The following ANAPC5 variants were observed in gnomAD, a reference collection of about 807,000 sequenced individuals.
ANAPC5 encodes anaphase promoting complex subunit 5.
In ANAPC5, 60 loss-of-function variants were observed where a neutral mutation model predicts 91.3. The ratio of observed to expected loss-of-function variants is 0.66; its 90% CI spans 0.53 to 0.81. The LOEUF is 0.81. Ranked by LOEUF, ANAPC5 falls within the 40% of genes least tolerant of loss-of-function variation. The probability of loss-of-function intolerance (pLI) is 0.00; values close to 1 mark genes in which losing one functional copy is unlikely to be tolerated. For missense variants in ANAPC5, 690 were observed against 931.5 expected, an observed-to-expected ratio of 0.74 and a Z score of 3.37; for synonymous variants, 340 against 364.1, an observed-to-expected ratio of 0.93 and a Z score of 0.75.
At chr12:121,319,869 T>C (rs1216412359) in intron 12 of ANAPC5, 51 bp from the exon 13 acceptor site, 28 of 1,535,626 alleles carry the variant, frequency 1.8e-5, no homozygotes, top group Non-Finnish European at 2.4e-5. Context: ...ATGTTCATCT[T>C]AATGAGTATA....
chr12:121,332,629 A>C (rs1903086011), intron 7 of ANAPC5: 1 of 151,462 alleles, frequency 6.6e-6, no homozygotes, highest in Non-Finnish European at 1.5e-5. Flanking sequence ...AATAGTGCCT[A>C]GTACACAGTA....
rs11613001 is a variant in ANAPC5, at chr12:121,342,790, T to C, written c.591-721A>G. ...AGAAAAATTGTTTGATCCCGGGAGG[T>C]GGAGGTTGCAGCGAGCCAAGATCAC... On this transcript the variant is annotated intron_variant, in intron 4 of 16. Transcript: ENST00000261819. The surrounding 1 kb of genome is among the most constrained non-coding windows in gnomAD (Gnocchi z 4.1). Among the ~76,000 whole-genome samples, 7,465 of 151,970 alleles carry C rather than the reference T, an allele frequency of 0.049. 193 individuals carry two copies. The highest frequency in any genetic ancestry group is 0.082 in the South Asian group (395 of 4,802).
chr12:121,351,924 C>CAAA (rs34467784), intron 1 of ANAPC5, among the ~76,000 whole-genome samples: 11 of 140,650 alleles, frequency 7.8e-5, no homozygotes, highest in African/African-American at 2.8e-4. Context: ...CATGAACTTG[C>CAAA]AAAAAAAAAA....
intron 11 of ANAPC5, among the ~76,000 whole-genome samples, chr12:121,322,200 C>G (rs768061017): frequency 1.3e-5 from 2 of 148,830 alleles, no homozygotes; most frequent in Non-Finnish European, 3.0e-5. Flanking sequence ...ACTGTGTCAC[C>G]CAGGCTGGAG....
At chr12:121,312,723 A>AT (rs1902216126) in intron 15 of ANAPC5, among the ~76,000 whole-genome samples, 1 of 150,840 alleles carries the variant, frequency 6.6e-6, no homozygotes, top group South Asian at 2.1e-4. Flanking sequence ...AAAAAAAAAA[A>AT]AAAAAAATTA....
At chr12:121,327,461 T>C in intron 10 of ANAPC5, 1 of 527,994 alleles carries the variant, frequency 1.9e-6, no homozygotes, top group Non-Finnish European at 3.3e-6. Context: ...AGGGCACAGC[T>C]GGGAGTACAC....
chr12:121,339,370 C>G (rs1555273836), intron 5 of ANAPC5, among the ~76,000 whole-genome samples: 1 of 152,068 alleles, frequency 6.6e-6, no homozygotes, highest in African/African-American at 2.4e-5. Flanking sequence ...GATTTCTAAA[C>G]CAAAACCAAA....
At chr12:121,313,119 C>A (rs1451924882) in intron 15 of ANAPC5, among the ~76,000 whole-genome samples, 5 of 152,026 alleles carry the variant, frequency 3.3e-5, no homozygotes, top group African/African-American at 9.7e-5. Context: ...TGAGGTCAGG[C>A]GTTCGAGGCC....
Position 121,337,604 on chromosome 12 carries a change from ACT to A in ANAPC5, c.658-214_658-213del, listed in dbSNP as rs572420263. The stretch of plus-strand genomic sequence containing the variant: ...TGCTCTCCTCTTGACCATCTACAAC[ACT>A]GTTTCCTCTTCCAGAAACACCAAGC... On this transcript the variant is annotated intron_variant, in intron 5 of 16. Coordinates refer to ENST00000261819, the MANE Select transcript of ANAPC5 (RefSeq NM_016237.5). 3.0e-4 allele frequency among the ~76,000 whole-genome samples: 46 copies of A among 151,902 alleles called. 1 individual carries two copies. Among genetic ancestry groups the A allele is most frequent in the Admixed American group, 7.9e-4 (12 of 15,258 alleles).
intron 5 of ANAPC5, among the ~76,000 whole-genome samples, chr12:121,341,072 G>A (rs938026399): frequency 2.0e-5 from 3 of 150,884 alleles, no homozygotes; most frequent in Non-Finnish European, 4.4e-5. Context: ...GCTCACACCT[G>A]TAATCCCAGC....
chr12:121,347,850 T>C lies in ANAPC5; in HGVS notation c.239A>G (p.Lys80Arg). The C allele has an allele frequency of 6.2e-7, 1 of 1,613,772 alleles. No homozygotes were observed. Among genetic ancestry groups the C allele is most frequent in the Non-Finnish European group, 8.5e-7 (1 of 1,179,732 alleles). The change falls in exon 2 of 17, where the codon AAG becomes AGG. Residue 80 changes from lysine (K) to arginine (R), a missense_variant. By Grantham distance (26) the Lys-to-Arg change is conservative. Transcript: ENST00000261819. Reference sequence around the variant, plus strand: ...CTGTGGACAAGACTCTTCAATTAACTTGTAAAGTTTTGACAGTGTAATATC... The same window carrying C: ...CTGTGGACAAGACTCTTCAATTAACCTGTAAAGTTTTGACAGTGTAATATC... ...GPDITLSKLY[K>R]LIEESCPQLA... is the part of the protein sequence containing the mutation.
Position 121,327,018 on chromosome 12 carries a change from C to T in ANAPC5, c.1440+78G>A. On this transcript the variant is annotated intron_variant, in intron 11 of 16. Transcript: ENST00000261819. ...AGAACTGTCCAACACGTGTCCAGTG[C>T]TTTCCTCAAGCATTAGAGGAAAGAA... 4.0e-6 allele frequency: 6 copies of T among 1,499,308 alleles called. No homozygotes were observed. The East Asian group carries it at 1.2e-4, about 29-fold the overall frequency. 92.9% of individuals were successfully genotyped at this position (1,499,308 alleles called of 1,614,324 possible). A position where few individuals can be genotyped will look rare whatever the true frequency, so the allele number is the denominator to read the frequency against.
intron 6 of ANAPC5, 28 bp from the exon 7 acceptor site, chr12:121,335,751 T>G: frequency 6.4e-7 from 1 of 1,563,870 alleles, no homozygotes; most frequent in Non-Finnish European, 8.8e-7. Flanking sequence ...CAATGTATTT[T>G]AAACGCTGTA....
chr12:121,322,706 T>A (rs1902665937), intron 11 of ANAPC5, among the ~76,000 whole-genome samples: 1 of 152,126 alleles, frequency 6.6e-6, no homozygotes, highest in African/African-American at 2.4e-5. Context: ...TGCATACTGG[T>A]CCAATTATTT....
At chr12:121,320,600 CTT>C (rs1187029326) in intron 11 of ANAPC5, 141 bp from the exon 12 acceptor site, 2 of 570,506 alleles carry the variant, frequency 3.5e-6, no homozygotes, top group African/African-American at 3.8e-5. Flanking sequence ...ACTCAAATTT[CTT>C]TTCTTTCTTT....
intron 5 of ANAPC5, among the ~76,000 whole-genome samples, chr12:121,338,910 A>G (rs1234289567): frequency 6.6e-6 from 1 of 152,162 alleles, no homozygotes. Context: ...TATGTTTATA[A>G]TACAGGGTGT....
chr12:121,328,629 T>C (rs1902909123), intron 9 of ANAPC5, 132 bp from the exon 10 acceptor site: 1 of 828,012 alleles, frequency 1.2e-6, no homozygotes, highest in Admixed American at 2.6e-5. Context: ...GGAAAGTACC[T>C]ATAACCTGGC....
At chr12:121,331,038 C>T in intron 8 of ANAPC5, 3 of 395,666 alleles carry the variant, frequency 7.6e-6, no homozygotes, top group Non-Finnish European at 1.4e-5. Context: ...ACATCTCACC[C>T]AGTTACTAAG....
chr12:121,317,330 T>C (rs535855657), intron 15 of ANAPC5, among the ~76,000 whole-genome samples: 152 of 151,580 alleles, frequency 1.0e-3, no homozygotes, highest in African/African-American at 3.5e-3. Flanking sequence ...CCTGGCTCAC[T>C]GCAACCTCCG....
Sources: gnomAD v4.1 joint callset for allele counts (sites outside exome capture counted in the v4.1 genomes callset) on GRCh38, gnomAD v4.1.1 for gene constraint, Gnocchi (gnomAD v3.1) non-coding constraint, MANE v1.5 for transcripts, NCBI Gene and HGNC (gene_info 2026-07-23, HGNC 2026-07-21) for gene names.